Variants in CPED1 observed in about 807,000 individuals in gnomAD.
CPED1 encodes the protein cadherin like and PC-esterase domain containing 1, also known as cadherin-like and PC-esterase domain-containing protein 1.
Under a neutral mutation model 128.2 loss-of-function variants are expected in CPED1, and 114 were observed. That is an observed-to-expected ratio of 0.89 (90% CI 0.76 to 1.04). The LOEUF is 1.04. CPED1 is among the 50% of genes least tolerant of loss of function. The pLI is 0.00. For missense variants in CPED1, 1,211 were observed against 1,207.1 expected (o/e 1.00, Z -0.05); for synonymous variants, 462 against 426.7 (o/e 1.08, Z -1.02).
chr7:121,252,922 C>G (rs1304136438), intron 18 of CPED1, among the ~76,000 whole-genome samples: 2 of 152,042 alleles, frequency 1.3e-5, no homozygotes, highest in Admixed American at 6.6e-5. Flanking sequence ...CAGGGATCTA[C>G]AACTAGAAAT....
chr7:121,168,048 TTTAAACTCGA>T (rs1420267826), intron 16 of CPED1, among the ~76,000 whole-genome samples: 2 of 152,106 alleles, frequency 1.3e-5, no homozygotes, highest in African/African-American at 4.8e-5. Context: ...GTCTATTGCT[TTTAAACTCGA>T]AAGAGCTGAG....
At chr7:121,097,570 A>C in intron 5 of CPED1, 129 bp from the exon 6 acceptor site, 1 of 1,015,694 alleles carries the variant, frequency 9.8e-7, no homozygotes, top group Non-Finnish European at 1.4e-6. Flanking sequence ...TTTTTGATTC[A>C]GAATGGGGAG....
intron 3 of CPED1, 24 bp from the exon 4 acceptor site, chr7:121,046,863 T>A (rs370664334): frequency 8.0e-4 from 1,174 of 1,464,892 alleles, no homozygotes; most frequent in Non-Finnish European, 8.7e-4. Flanking sequence ...AACTTATTTG[T>A]TTTGAATATT....
intron 22 of CPED1, among the ~76,000 whole-genome samples, chr7:121,279,082 G>A (rs1420892715): frequency 1.3e-5 from 2 of 151,968 alleles, no homozygotes; most frequent in Non-Finnish European, 2.9e-5. Flanking sequence ...GTTCTAATTT[G>A]GTGAAAACAG....
At chr7:121,045,556 T>G (rs771569455) in intron 3 of CPED1, among the ~76,000 whole-genome samples, 2 of 152,234 alleles carry the variant, frequency 1.3e-5, no homozygotes, top group South Asian at 4.1e-4. Flanking sequence ...ATTATGCTTG[T>G]CAAGTGAGAA....
At chr7:121,039,685 A>G (rs1044176076) in intron 3 of CPED1, among the ~76,000 whole-genome samples, 2 of 152,080 alleles carry the variant, frequency 1.3e-5, no homozygotes, top group East Asian at 1.9e-4. Context: ...AGTCAGTTAC[A>G]CTTCAAAAGA....
chr7:121,171,679 G>GA (rs1407496693), intron 16 of CPED1, among the ~76,000 whole-genome samples: 1 of 152,004 alleles, frequency 6.6e-6, no homozygotes, highest in Non-Finnish European at 1.5e-5. Context: ...GAAAATATTT[G>GA]AAAAACCCTG....
intron 16 of CPED1, among the ~76,000 whole-genome samples, chr7:121,229,659 AT>A (rs1164272120): frequency 6.6e-6 from 1 of 152,050 alleles, no homozygotes; most frequent in Non-Finnish European, 1.5e-5. Context: ...AAAATTTGAA[AT>A]TTTATTTGTT....
At chr7:121,213,831 A>G (rs1251926955) in intron 16 of CPED1, among the ~76,000 whole-genome samples, 1 of 152,094 alleles carries the variant, frequency 6.6e-6, no homozygotes, top group Admixed American at 6.6e-5. Context: ...TTGCATGACC[A>G]TGGTACATTT....
At chr7:121,205,121 A>T (rs1563064901) in intron 16 of CPED1, among the ~76,000 whole-genome samples, 1 of 152,152 alleles carries the variant, frequency 6.6e-6, no homozygotes, top group Non-Finnish European at 1.5e-5. Context: ...GCCTGTTGAT[A>T]GGTATAGTAA....
At chr7:121,269,893 A>G (rs1792200451) in intron 21 of CPED1, among the ~76,000 whole-genome samples, 1 of 152,110 alleles carries the variant, frequency 6.6e-6, no homozygotes. Flanking sequence ...TACAAGAAGC[A>G]TGGTACCAGC....
intron 16 of CPED1, among the ~76,000 whole-genome samples, chr7:121,163,954 G>C (rs1381675510): frequency 6.6e-6 from 1 of 152,224 alleles, no homozygotes; most frequent in East Asian, 1.9e-4. Flanking sequence ...CACAGGGTTG[G>C]ATAGACCAAA....
At chr7:121,041,959 A>G (rs577674981) in intron 3 of CPED1, among the ~76,000 whole-genome samples, 6 of 152,108 alleles carry the variant, frequency 3.9e-5, no homozygotes, top group African/African-American at 1.2e-4. Flanking sequence ...CTTTGCTTCC[A>G]TGTGTTTGGG....
intron 13 of CPED1, among the ~76,000 whole-genome samples, chr7:121,135,172 C>CT (rs1795758992): frequency 2.0e-5 from 3 of 151,886 alleles, no homozygotes; most frequent in South Asian, 2.1e-4. Context: ...TGGCTTATCT[C>CT]TTTTTTCCCA....
At chr7:121,176,144 T>G (rs1796771397) in intron 16 of CPED1, among the ~76,000 whole-genome samples, 1 of 148,098 alleles carries the variant, frequency 6.8e-6, no homozygotes, top group Non-Finnish European at 1.5e-5. Context: ...TCGAGAGTTT[T>G]ATGTGCTAAA....
intron 18 of CPED1, chr7:121,261,779 C>G (rs1255555801): frequency 3.0e-5 from 46 of 1,523,794 alleles, no homozygotes; most frequent in Non-Finnish European, 3.8e-5. Context: ...GAGTAATAAA[C>G]TTTAATTGGG....
At chr7:121,278,899 A>G (rs1463172892) in intron 22 of CPED1, among the ~76,000 whole-genome samples, 1 of 152,134 alleles carries the variant, frequency 6.6e-6, no homozygotes, top group Non-Finnish European at 1.5e-5. Flanking sequence ...CAGCCTTTTC[A>G]ATACTGAAAC....
At chr7:121,115,681 A>G (rs1486873126) in intron 7 of CPED1, among the ~76,000 whole-genome samples, 1 of 152,152 alleles carries the variant, frequency 6.6e-6, no homozygotes, top group Non-Finnish European at 1.5e-5. Context: ...CTTAGTACAG[A>G]TATTACCGGA....
At chr7:121,268,629 T>C (rs1321755367) in intron 21 of CPED1, among the ~76,000 whole-genome samples, 1 of 137,050 alleles carries the variant, frequency 7.3e-6, no homozygotes, top group Non-Finnish European at 1.5e-5. Context: ...TACCAGTGCA[T>C]GTGCACACAA....
Sources: gnomAD v4.1 joint callset for allele counts (sites outside exome capture counted in the v4.1 genomes callset) on GRCh38, gnomAD v4.1.1 for gene constraint, MANE v1.5 for transcripts, NCBI Gene and HGNC (gene_info 2026-07-23, HGNC 2026-07-21) for gene names.